LRRIQ3: variants seen among roughly 807,000 people sequenced by gnomAD.
LRRIQ3 encodes leucine-rich repeat and IQ domain-containing protein 3.
Under a neutral mutation model 59.3 loss-of-function variants are expected in LRRIQ3, and 75 were observed. The observed-to-expected ratio is 1.26, with a 90% CI of 1.05 to 1.53. The LOEUF is 1.53. LRRIQ3 is among the 40% of genes most tolerant of loss of function. The pLI is 0.00. For missense variants in LRRIQ3, 831 were observed against 710.0 expected (o/e 1.17, Z -1.94); for synonymous variants, 250 against 231.3 (o/e 1.08, Z -0.73).
At chr1:74,157,133 T>G (rs1218035019) in intron 3 of LRRIQ3, among the ~76,000 whole-genome samples, 2 of 152,086 alleles carry the variant, frequency 1.3e-5, no homozygotes, top group Non-Finnish European at 2.9e-5. Context: ...ATTCCCAACA[T>G]TAGCTACTGA....
At chr1:74,036,954 ATAT>A in intron 7 of LRRIQ3, among the ~76,000 whole-genome samples, 1 of 152,316 alleles carries the variant, frequency 6.6e-6, no homozygotes, top group Middle Eastern at 3.4e-3. Context: ...TCTATGTTTA[ATAT>A]TATTCTGATT....
At chr1:74,139,089 T>TGC (rs2100632134) in intron 4 of LRRIQ3, among the ~76,000 whole-genome samples, 1 of 140,606 alleles carries the variant, frequency 7.1e-6, no homozygotes, top group East Asian at 2.1e-4. Flanking sequence ...TATGTATGTG[T>TGC]GTGTGTATAT....
intron 5 of LRRIQ3, among the ~76,000 whole-genome samples, chr1:74,078,142 T>C (rs1177425396): frequency 6.6e-6 from 1 of 151,902 alleles, no homozygotes; most frequent in East Asian, 1.9e-4. Flanking sequence ...GGTAAACCTG[T>C]ATTCAGCAGT....
At chr1:74,150,106 G>C (rs986381922) in intron 4 of LRRIQ3, among the ~76,000 whole-genome samples, 3 of 152,170 alleles carry the variant, frequency 2.0e-5, no homozygotes, top group African/African-American at 7.2e-5. Flanking sequence ...CTGCCATTCA[G>C]TATTGCCTGT....
intron 4 of LRRIQ3, among the ~76,000 whole-genome samples, chr1:74,149,191 T>G (rs1647768492): frequency 6.6e-6 from 1 of 152,210 alleles, no homozygotes; most frequent in Admixed American, 6.5e-5. Context: ...GTTTTGTTGA[T>G]CTCTCAAAAT....
chr1:74,029,002 T>C (rs944466137), intron 7 of LRRIQ3, among the ~76,000 whole-genome samples: 12 of 152,014 alleles, frequency 7.9e-5, no homozygotes, highest in African/African-American at 2.9e-4. Context: ...CATTATAAGC[T>C]GTGAAGAAAA....
In LRRIQ3 at chr1:74,166,783, G is replaced by A. The variant is rs536315700; in HGVS notation, c.574-10917C>T. Among the ~76,000 whole-genome samples, 3 of 151,288 alleles carry A rather than the reference G, an allele frequency of 2.0e-5. No individual in the cohort carries two copies. In the East Asian group the frequency reaches 5.8e-4, roughly 29 times the overall value. ...ATTTCTTTTACACCATCCTCTTTTGGGCTAAGGACATGAATAGACAATTCT... is the reference window on the plus strand; with the variant it reads ...ATTTCTTTTACACCATCCTCTTTTGAGCTAAGGACATGAATAGACAATTCT... On this transcript the variant is annotated intron_variant, in intron 3 of 7. Transcript: ENST00000354431.
intron 5 of LRRIQ3, among the ~76,000 whole-genome samples, chr1:74,085,342 A>T (rs1326420214): frequency 4.1e-5 from 6 of 145,346 alleles, no homozygotes; most frequent in Non-Finnish European, 7.6e-5. Flanking sequence ...AAAAAAAAAT[A>T]AAACACAACC....
chr1:74,038,244 C>A (rs1384000738), intron 7 of LRRIQ3, among the ~76,000 whole-genome samples: 1 of 152,192 alleles, frequency 6.6e-6, no homozygotes, highest in Non-Finnish European at 1.5e-5. Flanking sequence ...TCCCTCCTCA[C>A]TGGGTGGGGT....
At chr1:74,058,102 G>A (rs549780900) in intron 6 of LRRIQ3, among the ~76,000 whole-genome samples, 2 of 152,144 alleles carry the variant, frequency 1.3e-5, no homozygotes, top group African/African-American at 4.8e-5. Flanking sequence ...AGCTAATGGA[G>A]AACTCTTATA....
In LRRIQ3 at chr1:74,042,883, T is replaced by C. The variant is rs187475398; in HGVS notation, c.998-950A>G. On this transcript the variant is annotated intron_variant, in intron 6 of 7. Transcript: ENST00000354431. ...TTTAAGAAACAATGTGCACCTTCTTTCCACTACGTAGAGATGAGAATGAAA... is the reference window on the plus strand; with the variant it reads ...TTTAAGAAACAATGTGCACCTTCTTCCCACTACGTAGAGATGAGAATGAAA... 4.0e-4 allele frequency among the ~76,000 whole-genome samples: 61 copies of C among 152,184 alleles called. No homozygotes were observed. In the East Asian group the frequency reaches 0.011, roughly 28 times the overall value.
intron 6 of LRRIQ3, among the ~76,000 whole-genome samples, chr1:74,047,242 C>A (rs889494786): frequency 6.6e-6 from 1 of 152,088 alleles, no homozygotes; most frequent in Non-Finnish European, 1.5e-5. Context: ...CACATATACA[C>A]CACAGAATAC....
chr1:74,153,688 T>C lies in LRRIQ3; in HGVS notation c.707+2045A>G, dbSNP rs536827630. Among the ~76,000 whole-genome samples the C allele has an allele frequency of 3.9e-4, 60 of 152,312 alleles. 1 individual carries two copies. In the South Asian group the frequency reaches 4.6e-3, roughly 12 times the overall value. On this transcript the variant is annotated intron_variant, in intron 4 of 7. Transcript: ENST00000354431. ...GTAAATCTGGAGATATAGGTAACTA[T>C]AGAGACGACTATAATACGGTATGGT...
At chr1:74,112,130 T>G (rs574837746) in intron 4 of LRRIQ3, among the ~76,000 whole-genome samples, 1 of 152,252 alleles carries the variant, frequency 6.6e-6, no homozygotes, top group African/African-American at 2.4e-5. Flanking sequence ...AGCTGAGCAC[T>G]CTATTTGTGA....
rs923380374 is a variant in LRRIQ3 at position 74,168,468 on chromosome 1, T to C, written c.574-12602A>G. Among the ~76,000 whole-genome samples, 4 of 152,206 alleles carry C rather than the reference T, an allele frequency of 2.6e-5. No individual in the cohort carries two copies. The East Asian group carries it at 5.8e-4, about 22-fold the overall frequency. On this transcript the variant is annotated intron_variant, in intron 3 of 7. Coordinates refer to ENST00000354431, the MANE Select transcript of LRRIQ3 (RefSeq NM_001105659.2). Reference sequence around the variant, plus strand: ...CATCATTTTATTTTCAATTTGCCTATAACATTCTATTTGAAATTAGTTTAT... The same window carrying C: ...CATCATTTTATTTTCAATTTGCCTACAACATTCTATTTGAAATTAGTTTAT...
chr1:74,101,492 A>T (rs1484491932), intron 5 of LRRIQ3, among the ~76,000 whole-genome samples: 1 of 152,166 alleles, frequency 6.6e-6, no homozygotes, highest in Non-Finnish European at 1.5e-5. Context: ...ATTGTGGAAG[A>T]CAGTGTAGTG....
intron 5 of LRRIQ3, among the ~76,000 whole-genome samples, chr1:74,099,511 AT>A (rs1203705373): frequency 6.6e-6 from 1 of 152,192 alleles, no homozygotes; most frequent in Non-Finnish European, 1.5e-5. Flanking sequence ...TTCTGAAACT[AT>A]TCCAATCAAT....
chr1:74,134,337 A>T (rs1647083460), intron 4 of LRRIQ3, among the ~76,000 whole-genome samples: 1 of 152,066 alleles, frequency 6.6e-6, no homozygotes, highest in South Asian at 2.1e-4. Context: ...TCCTGCTACC[A>T]ATAGCCCCCC....
intron 4 of LRRIQ3, among the ~76,000 whole-genome samples, chr1:74,111,409 C>G (rs1053078817): frequency 6.6e-6 from 1 of 151,882 alleles, no homozygotes; most frequent in Non-Finnish European, 1.5e-5. Context: ...TGCAAAGAAC[C>G]AGGCAGAAGT....
Sources: gnomAD v4.1 joint callset for allele counts (sites outside exome capture counted in the v4.1 genomes callset) on GRCh38, gnomAD v4.1.1 for gene constraint, MANE v1.5 for transcripts, NCBI Gene and HGNC (gene_info 2026-07-23, HGNC 2026-07-21) for gene names.